Variants in P2RX5 observed in about 807,000 individuals in gnomAD.
The protein encoded by P2RX5 is purinergic receptor P2X 5, also known as P2X purinoceptor 5.
In P2RX5, 46 loss-of-function variants were observed where a neutral mutation model predicts 54.1. The observed-to-expected ratio is 0.85, with a 90% confidence interval of 0.67 to 1.09. The LOEUF is 1.09. Ranked by LOEUF, P2RX5 falls within the 50% of genes least tolerant of loss-of-function variation. P2RX5 has a pLI of 0.00. For synonymous variants in P2RX5, 226 were observed against 226.4 expected (o/e 1.00, Z 0.02); for missense variants, 566 against 549.8 (o/e 1.03, Z -0.29).
At chr17:3,718,722 G>A in the P2RX5 span, among the ~76,000 whole-genome samples, 3 of 152,214 alleles carry the variant, frequency 2.0e-5, no homozygotes, top group African/African-American at 7.2e-5. Context: ...AATTTAAAAT[G>A]TGCACATAAG....
At chr17:3,689,932 A>G (rs2050560457) in intron 6 of P2RX5, 138 bp downstream of exon 6, 10 of 876,388 alleles carry the variant, frequency 1.1e-5, no homozygotes, top group South Asian at 5.3e-5. Context: ...ACGCGCACAC[A>G]CGCACACACG....
At chr17:3,676,573 T>C (rs1386702993) in intron 11 of P2RX5, 14 of 985,286 alleles carry the variant, frequency 1.4e-5, no homozygotes, top group Non-Finnish European at 1.7e-5. Context: ...GCAGCATGCG[T>C]GTAAGTCTGA....
At chr17:3,692,101 G>T in intron 1 of P2RX5, 1 of 383,634 alleles carries the variant, frequency 2.6e-6, no homozygotes. Context: ...TCAGGAGATT[G>T]AGACCATCCT....
At chr17:3,682,883 G>C (rs1455741160) in intron 9 of P2RX5, 1 of 152,094 alleles carries the variant, frequency 6.6e-6, no homozygotes. Context: ...AAAATTAGCT[G>C]GGCGTGGTGG....
At chr17:3,677,823 C>T in intron 11 of P2RX5, 1 of 985,390 alleles carries the variant, frequency 1.0e-6, no homozygotes, top group Non-Finnish European at 1.2e-6. Flanking sequence ...TTCCGCTCAG[C>T]ACCCTGGCCT....
intron 11 of P2RX5, chr17:3,676,495 AT>A: frequency 2.0e-6 from 2 of 984,272 alleles, no homozygotes; most frequent in Non-Finnish European, 2.4e-6. Context: ...CAGTCAAAAT[AT>A]TGTAACTTAA....
At chr17:3,723,386 G>T in the P2RX5 span, 1 of 1,603,092 alleles carries the variant, frequency 6.2e-7, no homozygotes, top group Non-Finnish European at 8.5e-7. Context: ...TCCACATGCT[G>T]GAAAAGCGAG....
chr17:3,675,614 T>G (rs1375968108), intron 11 of P2RX5: 1 of 948,946 alleles, frequency 1.1e-6, no homozygotes, highest in African/African-American at 1.8e-5. Context: ...TGCAGTGGTA[T>G]GATCTCAGCT....
chr17:3,675,771 T>G, intron 11 of P2RX5: 1 of 809,408 alleles, frequency 1.2e-6, no homozygotes, highest in South Asian at 5.6e-5. Context: ...CAGGCTGGTC[T>G]CGAACTCCTG....
chr17:3,691,608 G>A, intron 2 of P2RX5, 36 bp downstream of exon 2: 1 of 1,613,628 alleles, frequency 6.2e-7, no homozygotes, highest in East Asian at 2.2e-5. Context: ...GGCAGTCCCT[G>A]CCAGCCTTGG....
At chr17:3,709,888 G>A in the P2RX5 span, among the ~76,000 whole-genome samples, 137 of 152,236 alleles carry the variant, frequency 9.0e-4, 1 homozygote, top group East Asian at 1.7e-3. Context: ...CAGCCTGGGC[G>A]AAAGAGCGAG....
intron 2 of P2RX5, 75 bp downstream of exon 2, chr17:3,691,569 G>C: frequency 1.5e-5 from 23 of 1,580,570 alleles, no homozygotes; most frequent in Non-Finnish European, 2.0e-5. Context: ...GCGTATCCAA[G>C]AAGCTTCCCG....
Position 3,690,540 on chromosome 17 carries a change from G to A in P2RX5, c.437-17C>T. ...TCTTCACTCCTGCAGGGGTGGGACAGGATCAATGCCAGGAGCCTCCCACTC... is the reference window on the plus strand; with the variant it reads ...TCTTCACTCCTGCAGGGGTGGGACAAGATCAATGCCAGGAGCCTCCCACTC... On this transcript the variant is annotated splice_polypyrimidine_tract_variant and intron_variant, in intron 4 of 11. Transcript: ENST00000225328. 6.2e-7 allele frequency: 1 copy of A among 1,612,344 alleles called. No individual in the cohort carries two copies. The highest frequency in any genetic ancestry group is 8.5e-7 in the Non-Finnish European group (1 of 1,178,800).
chr17:3,711,370 C>CTTTTTTTTTTTTTTTT, the P2RX5 span, among the ~76,000 whole-genome samples: 42 of 63,094 alleles, frequency 6.7e-4, 12 homozygotes, highest in African/African-American at 1.7e-3. Flanking sequence ...AGCACTCATT[C>CTTTTTTTTTTTTTTTT]TTTTTTTTTT....
chr17:3,677,815 C>T (rs1204511130), intron 11 of P2RX5: 2 of 985,304 alleles, frequency 2.0e-6, no homozygotes, highest in Admixed American at 6.2e-5. Flanking sequence ...CACTCCACTT[C>T]CGCTCAGCAC....
At chr17:3,689,370 G>A (rs2050537177) in intron 7 of P2RX5, 122 bp downstream of exon 7, 2 of 794,186 alleles carry the variant, frequency 2.5e-6, no homozygotes, top group African/African-American at 3.4e-5. Context: ...AGTCCCTGGG[G>A]GCAGGTGACT....
chr17:3,697,146 G>A (rs900785381), upstream of P2RX5, among the ~76,000 whole-genome samples: 2 of 151,966 alleles, frequency 1.3e-5, no homozygotes, highest in African/African-American at 2.4e-5. Flanking sequence ...GTGCGGGGGT[G>A]GGGGGCAGAC....
chr17:3,691,659 G>T lies in P2RX5; in HGVS notation c.273C>A (p.Tyr91Ter). 2 of 1,614,218 alleles carry T rather than the reference G, an allele frequency of 1.2e-6. No homozygotes were observed. The highest frequency in any genetic ancestry group is 2.2e-5 in the South Asian group (2 of 91,082). Reference sequence around the variant, plus strand: ...GGACTCAGACCTGGGCTGGAATGACGTAGTCGGCGACATCCCAGATCCGCT... The same window carrying T: ...GGACTCAGACCTGGGCTGGAATGACTTAGTCGGCGACATCCCAGATCCGCT... ...LGQRIWDVAD[Y>*]VIPAQGENVF... The change falls in exon 2 of 12, where the codon TAC (tyrosine) becomes TAA (stop). Residue 91 changes from tyrosine (Y) to a stop codon, truncating the protein, a stop_gained. Transcript: ENST00000225328. LOFTEE classifies it high-confidence loss of function.
chr17:3,695,808 G>A (rs2050742510), intron 1 of P2RX5, 61 bp downstream of exon 1: 1 of 1,585,480 alleles, frequency 6.3e-7, no homozygotes, highest in African/African-American at 1.3e-5. Context: ...GGAGAAGGAC[G>A]CGGCGGCTGG....
Sources: allele counts gnomAD v4.1 joint callset (sites outside exome capture counted in the v4.1 genomes callset), GRCh38; gene constraint gnomAD v4.1.1; transcripts MANE v1.5; gene names NCBI Gene and HGNC (gene_info 2026-07-23, HGNC 2026-07-21).